Variants in NFXL1 observed in about 807,000 individuals in gnomAD.
NFXL1 encodes the protein NF-X1-type zinc finger protein NFXL1.
Under a neutral mutation model 123.3 loss-of-function variants are expected in NFXL1, and 66 were observed. That is an observed-to-expected ratio of 0.54 (90% confidence interval 0.44 to 0.66). The LOEUF is 0.66. Ranked by LOEUF, NFXL1 falls within the 30% of genes least tolerant of loss-of-function variation. The pLI, the probability that NFXL1 is intolerant of heterozygous loss-of-function variation, is 0.00. For synonymous variants in NFXL1, 346 were observed against 360.8 expected (o/e 0.96, Z 0.46); for missense variants, 944 against 1,125.6 (o/e 0.84, Z 2.31).
chr4:47,910,809 T>C lies in NFXL1; in HGVS notation c.406+15A>G, dbSNP rs1380775922. On this transcript the variant is annotated intron_variant, in intron 3 of 22. Transcript: ENST00000507489. ...TTTCATTGACGTCAAAAGTCAAAAT[T>C]TAAAAGATCAGTACCTGTCTGAGTA... The C allele has an allele frequency of 6.7e-7, 1 of 1,489,132 alleles. No homozygotes were observed. The highest frequency in any genetic ancestry group is 9.0e-7 in the Non-Finnish European group (1 of 1,115,350). 92.2% of individuals were successfully genotyped at this position (1,489,132 alleles called of 1,614,324 possible). A position where few individuals can be genotyped will look rare whatever the true frequency, so the allele number is the denominator to read the frequency against.
chr4:47,894,074 T>C (rs1736933615), intron 11 of NFXL1, 106 bp downstream of exon 11: 1 of 708,536 alleles, frequency 1.4e-6, no homozygotes, highest in East Asian at 2.9e-5. Flanking sequence ...GGAAAGCATA[T>C]GCCTGAACAT....
chr4:47,910,313 C>A (rs148680283), intron 3 of NFXL1, among the ~76,000 whole-genome samples: 4 of 152,020 alleles, frequency 2.6e-5, no homozygotes, highest in Non-Finnish European at 5.9e-5. Flanking sequence ...CGTACCACTG[C>A]GCTCCAGCCT....
rs1735911105 is a variant in NFXL1, at chr4:47,878,837, T to G, written c.1939-172A>C. 9.5e-6 allele frequency: 5 copies of G among 528,484 alleles called. No individual in the cohort carries two copies. The South Asian group carries it at 2.6e-4, about 27-fold the overall frequency. The allele number at this position is 528,484 out of a possible 1,614,324, so 32.7% of individuals were successfully genotyped here. A position where few individuals can be genotyped will look rare whatever the true frequency, so the allele number is the denominator to read the frequency against. ...AGTAACCTGTCAAAATATTTCAAAG[T>G]AATGAATGCCAAGAAGCAAAATGTT... is the stretch of plus-strand genomic sequence containing the variant. On this transcript the variant is annotated intron_variant, in intron 16 of 22. Transcript: ENST00000507489.
chr4:47,884,577 T>C, intron 14 of NFXL1, 140 bp from the exon 15 acceptor site: 1 of 547,322 alleles, frequency 1.8e-6, no homozygotes, highest in East Asian at 3.0e-5. Flanking sequence ...TTGTGCTTAC[T>C]GAAATATTTC....
intron 5 of NFXL1, among the ~76,000 whole-genome samples, chr4:47,900,079 G>A (rs1737296246): frequency 6.6e-6 from 1 of 152,160 alleles, no homozygotes; most frequent in African/African-American, 2.4e-5. Context: ...ACAACAAACA[G>A]AAGAGAGAAG....
chr4:47,904,523 A>G (rs1022381610), intron 4 of NFXL1, among the ~76,000 whole-genome samples: 5 of 152,250 alleles, frequency 3.3e-5, no homozygotes, highest in Non-Finnish European at 4.4e-5. Flanking sequence ...AGGCATCTGT[A>G]TCTGCTATAC....
At chr4:47,892,008 C>G (rs768465534) in intron 11 of NFXL1, among the ~76,000 whole-genome samples, 4 of 151,816 alleles carry the variant, frequency 2.6e-5, no homozygotes, top group Non-Finnish European at 5.9e-5. Context: ...ATGTGCCTAT[C>G]CTATCACTTT....
intron 17 of NFXL1, among the ~76,000 whole-genome samples, chr4:47,876,495 C>T (rs938469406): frequency 3.3e-5 from 5 of 151,878 alleles, no homozygotes; most frequent in Non-Finnish European, 7.4e-5. Flanking sequence ...TGAACAGAGG[C>T]AGAAGTGAGT....
rs181490007 is a variant in NFXL1, at chr4:47,893,136, G to A, written c.1452+1044C>T. On this transcript the variant is annotated intron_variant, in intron 11 of 22. Transcript: ENST00000507489. ...GACAATGCAGAAGAAAATTAGCAAT[G>A]TTGAAGACAAAACTATATAAACTAA... 1.8e-3 allele frequency among the ~76,000 whole-genome samples: 276 copies of A among 152,184 alleles called. 5 individuals are homozygous for A. The highest frequency in any genetic ancestry group is 3.1e-3 in the Admixed American group (48 of 15,276).
At chr4:47,849,405 T>C (rs1350823295) in intron 22 of NFXL1, among the ~76,000 whole-genome samples, 1 of 152,120 alleles carries the variant, frequency 6.6e-6, no homozygotes, top group Non-Finnish European at 1.5e-5. Context: ...AAGACAATAG[T>C]TAAAATATAT....
At chr4:47,889,527 T>A (rs559190943) in intron 12 of NFXL1, among the ~76,000 whole-genome samples, 1 of 152,238 alleles carries the variant, frequency 6.6e-6, no homozygotes, top group East Asian at 1.9e-4. Context: ...GTTCCACATA[T>A]CCCTATATGC....
chr4:47,910,779 T>C (rs1737793422), intron 3 of NFXL1, 45 bp downstream of exon 3: 1 of 1,259,938 alleles, frequency 7.9e-7, no homozygotes. Context: ...ATGTCAGGAA[T>C]ACAGTTTCAT....
At chr4:47,900,366 C>T (rs974218628) in intron 5 of NFXL1, among the ~76,000 whole-genome samples, 2 of 152,122 alleles carry the variant, frequency 1.3e-5, no homozygotes, top group Middle Eastern at 3.2e-3. Context: ...CACGCCACCA[C>T]GTCCAGCTAA....
In NFXL1 at chr4:47,914,166, C is replaced by A; in HGVS notation, c.38G>T (p.Gly13Val). Reference sequence around the variant, plus strand: ...GGCAGTGGCCCGTCCCCGGGATCGGCCTCGGCCACCGGCCACCTGGCGCCA... The same window carrying A: ...GGCAGTGGCCCGTCCCCGGGATCGGACTCGGCCACCGGCCACCTGGCGCCA... The part of the protein sequence containing the change: ...ASWRQVAGGR[G>V]RSRGRATAAP... Residue 13 changes from glycine to valine, a missense_variant, in exon 2 of 23, where the codon GGC becomes GTC. By Grantham distance (109) the Gly-to-Val change is moderately radical. Around this residue, in one of 4 missense-constraint regions of NFXL1, gnomAD observed 303 missense variants for 292.1 expected, o/e 1.04. Transcript: ENST00000507489. 6.5e-7 allele frequency: 1 copy of A among 1,536,578 alleles called. No individual in the cohort carries two copies. Among genetic ancestry groups the A allele is most frequent in the East Asian group, 2.4e-5 (1 of 40,864 alleles).
chr4:47,890,028 G>A (rs1041735611), intron 12 of NFXL1, among the ~76,000 whole-genome samples: 1 of 151,562 alleles, frequency 6.6e-6, no homozygotes, highest in Non-Finnish European at 1.5e-5. Context: ...GATATAATGG[G>A]TTTATTACTG....
chr4:47,868,561 T>A, intron 18 of NFXL1, among the ~76,000 whole-genome samples: 2 of 149,156 alleles, frequency 1.3e-5, no homozygotes, highest in African/African-American at 2.5e-5. Flanking sequence ...CTAAAGACAT[T>A]AAAAACGTAC....
rs1031141939 is a variant in NFXL1, at chr4:47,864,753, A to T, written c.2247-1838T>A. On this transcript the variant is annotated intron_variant, in intron 18 of 22. Transcript: ENST00000507489. ...TGCAAATGGTGGGGCAGGGGTAGGA[A>T]TGGAATCACCATACCCCTTCTTTCA... 1.5e-4 allele frequency among the ~76,000 whole-genome samples: 23 copies of T among 152,320 alleles called. No individual in the cohort carries two copies. In the East Asian group the frequency reaches 4.4e-3, roughly 29 times the overall value.
intron 18 of NFXL1, among the ~76,000 whole-genome samples, chr4:47,869,492 A>C (rs1735301736): frequency 6.6e-6 from 1 of 152,208 alleles, no homozygotes; most frequent in South Asian, 2.1e-4. Flanking sequence ...CAATAAAACT[A>C]GATCTTCTAT....
At chr4:47,852,858 T>C (rs574043000) in intron 20 of NFXL1, among the ~76,000 whole-genome samples, 1 of 152,218 alleles carries the variant, frequency 6.6e-6, no homozygotes, top group East Asian at 1.9e-4. Flanking sequence ...CCTCAGACTC[T>C]AGTTTTTTGT....
Sources: allele counts gnomAD v4.1 joint callset (sites outside exome capture counted in the v4.1 genomes callset), GRCh38; gene constraint gnomAD v4.1.1; regional missense constraint gnomAD v4.1.1; transcripts MANE v1.5; gene names NCBI Gene and HGNC (gene_info 2026-07-23, HGNC 2026-07-21).